PLIN3: variants seen among roughly 807,000 people sequenced by gnomAD.
The protein encoded by PLIN3 is perilipin 3.
A neutral mutation model predicts 35.9 loss-of-function variants in PLIN3; 30 were observed. The ratio of observed to expected loss-of-function variants is 0.84; its 90% CI spans 0.62 to 1.13. PLIN3 has a LOEUF of 1.13. Ranked by LOEUF, PLIN3 falls within the 50% of genes most tolerant of loss-of-function variation. The pLI is 0.00. For synonymous variants in PLIN3, 261 were observed against 262.5 expected (o/e 0.99, Z 0.06); for missense variants, 603 against 596.9 (o/e 1.01, Z -0.11).
chr19:4,867,627 C>G lies in PLIN3; in HGVS notation c.-36G>C, dbSNP rs932564093. On this transcript the variant is annotated 5_prime_UTR_variant, in exon 1 of 8. Transcript: ENST00000221957. The stretch of plus-strand genomic sequence containing the variant: ...CACTCACCGCGGTCAACCGGACGTC[C>G]CAGGAACAGCTGCCGCGACTTCAAA... 8 of 152,174 alleles carry G rather than the reference C, an allele frequency of 5.3e-5. No homozygotes were observed. The highest frequency in any genetic ancestry group is 1.9e-4 in the African/African-American group (8 of 41,428). 9.4% of individuals were successfully genotyped at this position (152,174 alleles called of 1,614,324 possible). A position where few individuals can be genotyped will look rare whatever the true frequency, so the allele number is the denominator to read the frequency against.
At position 4,852,110 on chromosome 19, in the gene PLIN3, G is replaced by A. The variant is rs368218365; in HGVS notation, c.540C>T (p.Arg180=). Residue 180 remains arginine, a synonymous_variant, in exon 5 of 8, where the codon CGC becomes CGT. Transcript: ENST00000221957. ...CCCCACTCAACACCATCTGGCCCAA[G>A]CGGGAGCCCATGACCGATTGGACGC... ...TGGVQSVMGS[R]LGQMVLSGVD... 1.9e-6 allele frequency: 3 copies of A among 1,614,046 alleles called. No homozygotes were observed. Among genetic ancestry groups the A allele is most frequent in the South Asian group, 1.1e-5 (1 of 91,082 alleles).
chr19:4,848,052 C>T (rs2030167561), intron 5 of PLIN3, among the ~76,000 whole-genome samples, 162 bp from the exon 6 acceptor site: 2 of 152,078 alleles, frequency 1.3e-5, no homozygotes, highest in African/African-American at 4.8e-5. Context: ...GGTGTCATCT[C>T]GGCTCACTGC....
At chr19:4,854,411 T>C (rs1194783811) in intron 4 of PLIN3, among the ~76,000 whole-genome samples, 2 of 36,800 alleles carry the variant, frequency 5.4e-5, no homozygotes, top group Admixed American at 4.0e-4. Context: ...GTTTTTGTTT[T>C]TGTTTTTTTT....
Position 4,864,870 on chromosome 19 carries a change from C to T in PLIN3, c.-18+2739G>A, listed in dbSNP as rs190925503. On this transcript the variant is annotated intron_variant, in intron 1 of 7. Transcript: ENST00000221957. ...CCCTGGAGCAAGGCGCCTTCCCCTC[C>T]TCTGGCCTCGGTCATCTTACCTGTA... Among the ~76,000 whole-genome samples the T allele has an allele frequency of 7.4e-3, 1,132 of 152,224 alleles. 17 individuals carry two copies. Among genetic ancestry groups the T allele is most frequent in the African/African-American group, 0.025 (1,035 of 41,550 alleles).
At chr19:4,851,099 G>C (rs1001459050) in intron 5 of PLIN3, among the ~76,000 whole-genome samples, 1 of 152,248 alleles carries the variant, frequency 6.6e-6, no homozygotes, top group East Asian at 1.9e-4. Context: ...AGGAGTTGGA[G>C]GCTGCATTGA....
intron 4 of PLIN3, among the ~76,000 whole-genome samples, chr19:4,856,536 C>A (rs2030481846): frequency 6.6e-6 from 1 of 151,348 alleles, no homozygotes. Context: ...CCAGCCTGGG[C>A]AACAAGAGCA....
chr19:4,842,473 G>T (rs2029922881), intron 7 of PLIN3, among the ~76,000 whole-genome samples: 1 of 151,590 alleles, frequency 6.6e-6, no homozygotes, highest in South Asian at 2.1e-4. Flanking sequence ...GGTGGCAGGT[G>T]CCTGTAGTCT....
intron 5 of PLIN3, among the ~76,000 whole-genome samples, chr19:4,851,474 A>G (rs2030288585): frequency 6.6e-6 from 1 of 152,032 alleles, no homozygotes; most frequent in Admixed American, 6.6e-5. Flanking sequence ...TAAATAAATA[A>G]ATAAATTAAT....
chr19:4,854,461 T>C (rs2030407578), intron 4 of PLIN3, among the ~76,000 whole-genome samples: 1 of 152,040 alleles, frequency 6.6e-6, no homozygotes, highest in Non-Finnish European at 1.5e-5. Context: ...TGGAGTGCAG[T>C]GGCACTATCT....
At chr19:4,852,418 AG>A (rs935738889) in intron 4 of PLIN3, 117 bp from the exon 5 acceptor site, 97 of 1,238,580 alleles carry the variant, frequency 7.8e-5, no homozygotes, top group Non-Finnish European at 1.0e-4. Flanking sequence ...GGGTGACCCC[AG>A]CATCTCCGTC....
intron 4 of PLIN3, among the ~76,000 whole-genome samples, chr19:4,854,633 G>A (rs536903401): frequency 1.8e-4 from 27 of 152,082 alleles, no homozygotes; most frequent in Admixed American, 1.8e-3. Context: ...CAACGCCCCC[G>A]ATGAGAGTCA....
rs2030017469 is a variant in PLIN3, at chr19:4,844,528, G to C, written c.960+140C>G. 3 of 885,538 alleles carry C rather than the reference G, an allele frequency of 3.4e-6. No individual in the cohort carries two copies. The South Asian group carries it at 6.3e-5, about 19-fold the overall frequency. The allele number at this position is 885,538 out of a possible 1,614,324, so 54.9% of individuals were successfully genotyped here. A position where few individuals can be genotyped will look rare whatever the true frequency, so the allele number is the denominator to read the frequency against. On this transcript the variant is annotated intron_variant, in intron 7 of 7. Transcript: ENST00000221957. ...GAGGAGAAATCAAGGCAGGCTTCCTGAAGGAGGTGTCATTAGCTTCCAAAA... is the reference window on the plus strand; with the variant it reads ...GAGGAGAAATCAAGGCAGGCTTCCTCAAGGAGGTGTCATTAGCTTCCAAAA...
At chr19:4,844,128 G>T (rs1209802713) in intron 7 of PLIN3, among the ~76,000 whole-genome samples, 1 of 152,036 alleles carries the variant, frequency 6.6e-6, no homozygotes, top group African/African-American at 2.4e-5. Context: ...AGAGGCCAAG[G>T]CTTGAGATAG....
chr19:4,840,315 G>C (rs897172257), intron 7 of PLIN3, among the ~76,000 whole-genome samples: 6 of 152,068 alleles, frequency 3.9e-5, no homozygotes, highest in African/African-American at 7.2e-5. Flanking sequence ...CCAGGCTGGA[G>C]TGCAGTGGCG....
At chr19:4,855,149 C>T (rs1438080191) in intron 4 of PLIN3, among the ~76,000 whole-genome samples, 1 of 148,836 alleles carries the variant, frequency 6.7e-6, no homozygotes, top group Non-Finnish European at 1.5e-5. Flanking sequence ...ACTTGGGAGG[C>T]TGAGGCAGGA....
At chr19:4,843,904 G>A (rs994678787) in intron 7 of PLIN3, among the ~76,000 whole-genome samples, 11 of 152,316 alleles carry the variant, frequency 7.2e-5, no homozygotes, top group African/African-American at 2.6e-4. Context: ...GCCCTTTGAA[G>A]TGTACGATTC....
intron 2 of PLIN3, among the ~76,000 whole-genome samples, chr19:4,860,270 G>A (rs186881856): frequency 8.7e-4 from 132 of 152,070 alleles, no homozygotes; most frequent in African/African-American, 2.9e-3. Context: ...GCACTGATGC[G>A]ATCTCAGCTC....
chr19:4,861,219 G>A (rs116096561), intron 2 of PLIN3, 110 bp downstream of exon 2: 16 of 888,324 alleles, frequency 1.8e-5, no homozygotes, highest in South Asian at 2.8e-5. Context: ...CTCTGGCTCC[G>A]TGAGCTGCCG....
At chr19:4,854,401 G>GT (rs1467582819) in intron 4 of PLIN3, among the ~76,000 whole-genome samples, 5 of 37,194 alleles carry the variant, frequency 1.3e-4, no homozygotes, top group African/African-American at 5.7e-4. Context: ...CAAGTTTTTT[G>GT]TTTTTGTTTT....
Sources: allele counts gnomAD v4.1 joint callset (sites outside exome capture counted in the v4.1 genomes callset), GRCh38; gene constraint gnomAD v4.1.1; transcripts MANE v1.5; gene names NCBI Gene and HGNC (gene_info 2026-07-23, HGNC 2026-07-21).